The following EVI5 variants were observed in gnomAD, a reference collection of about 807,000 sequenced individuals.
EVI5 encodes ecotropic viral integration site 5 protein homolog.
In EVI5, 73 loss-of-function variants were observed where a neutral mutation model predicts 112.0. That is an observed-to-expected ratio of 0.65 (90% CI 0.54 to 0.79). The LOEUF (loss-of-function observed/expected upper bound fraction) is 0.79. Ranked by LOEUF, EVI5 falls within the 30% of genes least tolerant of loss-of-function variation. The pLI is 0.00. For missense variants in EVI5, 900 were observed against 968.8 expected, an observed-to-expected ratio of 0.93 and a Z score of 0.94; for synonymous variants, 305 against 319.9, an observed-to-expected ratio of 0.95 and a Z score of 0.50.
At chr1:92,584,166 T>A (rs978279145) in intron 18 of EVI5, among the ~76,000 whole-genome samples, 1 of 152,044 alleles carries the variant, frequency 6.6e-6, no homozygotes, top group Non-Finnish European at 1.5e-5. Flanking sequence ...CGGTGGTACA[T>A]AAAGATATAT....
intron 19 of EVI5, among the ~76,000 whole-genome samples, chr1:92,530,950 A>G (rs1418781179): frequency 6.6e-6 from 1 of 152,076 alleles, no homozygotes; most frequent in Non-Finnish European, 1.5e-5. Context: ...ACGAATTGAC[A>G]GAAGTAGGCT....
Position 92,632,513 on chromosome 1 carries a change from A to T in EVI5, c.1527+3689T>A, listed in dbSNP as rs7521187. The stretch of plus-strand genomic sequence containing the variant: ...ATGGTAGTTTGTATTTCTGTGGGAT[A>T]GTTGGTGATATCCCCTTTATCATTT... On this transcript the variant is annotated intron_variant, in intron 14 of 19. Coordinates refer to ENST00000684568, the MANE Select transcript of EVI5 (RefSeq NM_001350197.2). 1.4e-4 allele frequency among the ~76,000 whole-genome samples: 22 copies of T among 151,770 alleles called. No individual in the cohort carries two copies. In the South Asian group the frequency reaches 1.5e-3, roughly 10 times the overall value.
At chr1:92,659,707 C>G (rs1023235644) in intron 13 of EVI5, among the ~76,000 whole-genome samples, 1 of 152,032 alleles carries the variant, frequency 6.6e-6, no homozygotes, top group African/African-American at 2.4e-5. Context: ...AAAAACAGAA[C>G]TGCCATTCAG....
chr1:92,781,327 T>C (rs1388840244), intron 1 of EVI5, among the ~76,000 whole-genome samples: 2 of 151,728 alleles, frequency 1.3e-5, no homozygotes, highest in Admixed American at 1.3e-4. Context: ...GGTAATATGT[T>C]GAAACCCTGA....
chr1:92,624,779 G>C (rs927644262), intron 15 of EVI5, among the ~76,000 whole-genome samples: 1 of 149,324 alleles, frequency 6.7e-6, no homozygotes, highest in Non-Finnish European at 1.5e-5. Flanking sequence ...AGAATTCACT[G>C]CCTAGGGTCA....
intron 10 of EVI5, among the ~76,000 whole-genome samples, chr1:92,671,354 T>C (rs1484089208): frequency 6.6e-6 from 1 of 152,180 alleles, no homozygotes; most frequent in East Asian, 1.9e-4. Flanking sequence ...CCTAGTTTGC[T>C]ACTTTCTACT....
intron 1 of EVI5, among the ~76,000 whole-genome samples, chr1:92,770,739 G>T (rs574589594): frequency 1.3e-5 from 2 of 151,682 alleles, no homozygotes; most frequent in African/African-American, 4.8e-5. Flanking sequence ...GCAGTGAGCC[G>T]AAATCGCGCC....
chr1:92,560,464 T>C (rs1437335434), intron 19 of EVI5, among the ~76,000 whole-genome samples: 1 of 152,236 alleles, frequency 6.6e-6, no homozygotes. Context: ...AGTACCTACA[T>C]GAGTGTGATC....
intron 19 of EVI5, among the ~76,000 whole-genome samples, chr1:92,537,452 T>C (rs1339155478): frequency 6.6e-6 from 1 of 152,216 alleles, no homozygotes; most frequent in Non-Finnish European, 1.5e-5. Flanking sequence ...TAGTTTGTAT[T>C]TCTAAGTTCT....
chr1:92,544,529 A>G (rs915617059), intron 19 of EVI5, among the ~76,000 whole-genome samples: 8 of 152,234 alleles, frequency 5.3e-5, no homozygotes, highest in Admixed American at 5.2e-4. Flanking sequence ...CAGAAAAGAC[A>G]TATGATGACC....
At chr1:92,567,490 A>AT (rs1398041039) in intron 18 of EVI5, among the ~76,000 whole-genome samples, 1 of 152,110 alleles carries the variant, frequency 6.6e-6, no homozygotes, top group African/African-American at 2.4e-5. Context: ...TTTATATCAT[A>AT]TTTTTACTGT....
intron 14 of EVI5, among the ~76,000 whole-genome samples, chr1:92,629,542 T>C (rs1044237463): frequency 4.6e-5 from 7 of 152,232 alleles, no homozygotes; most frequent in African/African-American, 1.4e-4. Context: ...TTAATATCCT[T>C]GAAAAGAAGT....
At chr1:92,727,623 A>T (rs535684675) in intron 2 of EVI5, among the ~76,000 whole-genome samples, 91 of 152,308 alleles carry the variant, frequency 6.0e-4, no homozygotes, top group Admixed American at 2.7e-3. Context: ...TTAATTTTTT[A>T]AAAAAATAAA....
At chr1:92,655,953 A>G (rs1298775987) in intron 13 of EVI5, among the ~76,000 whole-genome samples, 1 of 152,202 alleles carries the variant, frequency 6.6e-6, no homozygotes, top group Non-Finnish European at 1.5e-5. Context: ...AGAGACAGCA[A>G]AACAATAATA....
chr1:92,552,028 T>C (rs1667018841), intron 19 of EVI5, among the ~76,000 whole-genome samples: 1 of 151,322 alleles, frequency 6.6e-6, no homozygotes, highest in African/African-American at 2.4e-5. Flanking sequence ...ATTTGAAATC[T>C]AGCTCTACCC....
At chr1:92,710,965 T>C (rs995146362) in intron 2 of EVI5, among the ~76,000 whole-genome samples, 21 of 152,210 alleles carry the variant, frequency 1.4e-4, no homozygotes, top group Non-Finnish European at 5.9e-5. Flanking sequence ...ACCTTCACCG[T>C]ATCTTTGCTT....
Position 92,555,109 on chromosome 1 carries a change from A to G in EVI5, c.2166+8533T>C, listed in dbSNP as rs116379964. Reference sequence around the variant, plus strand: ...CACAGAATGGCAAATACAATCTTTCATTATCTACATGGGACCTTCTGGGTA... The same window carrying G: ...CACAGAATGGCAAATACAATCTTTCGTTATCTACATGGGACCTTCTGGGTA... On this transcript the variant is annotated intron_variant, in intron 19 of 19. Transcript: ENST00000684568. Among the ~76,000 whole-genome samples, 669 of 152,342 alleles carry G rather than the reference A, an allele frequency of 4.4e-3. 2 individuals carry two copies. The highest frequency in any genetic ancestry group is 0.016 in the African/African-American group (648 of 41,588).
intron 10 of EVI5, among the ~76,000 whole-genome samples, chr1:92,674,148 T>C (rs1278538566): frequency 6.6e-6 from 1 of 152,090 alleles, no homozygotes; most frequent in East Asian, 1.9e-4. Flanking sequence ...GTGTAAGAAG[T>C]AGCATTTCCC....
At chr1:92,759,636 G>C (rs1198526227) in intron 1 of EVI5, among the ~76,000 whole-genome samples, 4 of 151,664 alleles carry the variant, frequency 2.6e-5, no homozygotes, top group African/African-American at 9.7e-5. Flanking sequence ...TGCATCCCTG[G>C]GTAAACTCTA....
Sources: allele counts gnomAD v4.1 joint callset (sites outside exome capture counted in the v4.1 genomes callset), GRCh38; gene constraint gnomAD v4.1.1; transcripts MANE v1.5; gene names NCBI Gene and HGNC (gene_info 2026-07-23, HGNC 2026-07-21).